EXOC1L: variants seen among roughly 807,000 people sequenced by gnomAD.
The protein encoded by EXOC1L is exocyst complex component 1-like.
Under a neutral mutation model 4.9 loss-of-function variants are expected in EXOC1L, and 10 were observed. That is an observed-to-expected ratio of 2.02 (90% CI 1.25 to 3.43). The LOEUF (loss-of-function observed/expected upper bound fraction) is 3.43. Ranked by LOEUF, EXOC1L falls within the 30% of genes most tolerant of loss-of-function variation. The probability of loss-of-function intolerance (pLI) is 0.00; values close to 1 mark genes in which losing one functional copy is unlikely to be tolerated. For missense variants in EXOC1L, 114 were observed against 59.4 expected, an observed-to-expected ratio of 1.92 and a Z score of -3.02; for synonymous variants, 41 against 20.8, an observed-to-expected ratio of 1.97 and a Z score of -2.63.
In EXOC1L at chr4:55,819,957, A is replaced by C. The variant is rs1348679254; in HGVS notation, c.-70A>C. The C allele has an allele frequency of 2.5e-6, 1 of 397,144 alleles. No homozygotes were observed. The highest frequency in any genetic ancestry group is 2.1e-5 in the African/African-American group (1 of 48,564). The allele number at this position is 397,144 out of a possible 1,614,324, so 24.6% of individuals were successfully genotyped here. ...AAGGAGCTGCAAACCCAAACGAGAA[A>C]TCTAGGGAGCAAAAGGAGAGGAAAG... On this transcript the variant is annotated 5_prime_UTR_variant, in exon 1 of 3. Transcript: ENST00000636125.
chr4:55,832,037 T>C (rs1016072657), intron 2 of EXOC1L, among the ~76,000 whole-genome samples: 5 of 152,076 alleles, frequency 3.3e-5, no homozygotes, highest in Non-Finnish European at 5.9e-5. Flanking sequence ...GCTCAAGTAC[T>C]GGCTCCTGAG....
At chr4:55,832,403 G>C (rs192376178) in intron 2 of EXOC1L, among the ~76,000 whole-genome samples, 1 of 151,648 alleles carries the variant, frequency 6.6e-6, no homozygotes, top group Non-Finnish European at 1.5e-5. Context: ...TTCTAATATC[G>C]TTATTTTTTA....
chr4:55,827,239 T>C (rs779402920), intron 1 of EXOC1L, among the ~76,000 whole-genome samples: 1 of 152,212 alleles, frequency 6.6e-6, no homozygotes, highest in East Asian at 1.9e-4. Context: ...ATGCTTTTAA[T>C]GACTTAAAAG....
chr4:55,828,107 G>A (rs571937550), intron 1 of EXOC1L, among the ~76,000 whole-genome samples: 2 of 152,072 alleles, frequency 1.3e-5, no homozygotes, highest in Admixed American at 6.6e-5. Flanking sequence ...CCTCCAAAAC[G>A]TATAATCCCT....
intron 1 of EXOC1L, among the ~76,000 whole-genome samples, chr4:55,820,509 A>G (rs1719713660): frequency 6.6e-6 from 1 of 152,196 alleles, no homozygotes; most frequent in African/African-American, 2.4e-5. Flanking sequence ...CTCTCTGTAT[A>G]CTTTTAAATA....
At chr4:55,828,046 A>T (rs553375534) in intron 1 of EXOC1L, among the ~76,000 whole-genome samples, 2 of 152,112 alleles carry the variant, frequency 1.3e-5, no homozygotes, top group African/African-American at 4.8e-5. Flanking sequence ...CCAAGTTAAG[A>T]TCTTCTGCTT....
chr4:55,829,686 G>C (rs1719973646), intron 1 of EXOC1L, among the ~76,000 whole-genome samples: 1 of 152,168 alleles, frequency 6.6e-6, no homozygotes, highest in African/African-American at 2.4e-5. Flanking sequence ...ACTGAGCTCT[G>C]TCATCAACTC....
At chr4:55,832,730 C>T (rs1489158003) in intron 2 of EXOC1L, among the ~76,000 whole-genome samples, 1 of 152,002 alleles carries the variant, frequency 6.6e-6, no homozygotes, top group Non-Finnish European at 1.5e-5. Context: ...CCCAAGGTGA[C>T]ATAGCTATTA....
In EXOC1L at chr4:55,825,209, GACGAGGAA is replaced by G. The variant is rs1259313717; in HGVS notation, c.121+5065_121+5072del. ...TGATAGATAAAATTCCTGTTTTACA[GACGAGGAA>G]ACCATAGGTCACAAGAAGTTAAGTA... is the stretch of plus-strand genomic sequence containing the variant. On this transcript the variant is annotated intron_variant, in intron 1 of 2. Coordinates refer to ENST00000636125, the MANE Select transcript of EXOC1L (RefSeq NM_001351574.3). Among the ~76,000 whole-genome samples the G allele has an allele frequency of 2.6e-5, 4 of 152,234 alleles. No individual in the cohort carries two copies. In the East Asian group the frequency reaches 7.7e-4, roughly 29 times the overall value.
chr4:55,836,512 T>A (rs1474813734), intron 2 of EXOC1L, among the ~76,000 whole-genome samples: 1 of 151,958 alleles, frequency 6.6e-6, no homozygotes, highest in South Asian at 2.1e-4. Flanking sequence ...GCTACAGATA[T>A]AGTAAGAGCC....
chr4:55,832,591 T>C (rs1400694795), intron 2 of EXOC1L, among the ~76,000 whole-genome samples: 1 of 151,994 alleles, frequency 6.6e-6, no homozygotes, highest in African/African-American at 2.4e-5. Flanking sequence ...TAAACTCTTA[T>C]GAGGTGCCAG....
At chr4:55,823,450 G>A (rs1447043) in intron 1 of EXOC1L, among the ~76,000 whole-genome samples, 11,802 of 152,166 alleles carry the variant, frequency 0.078, 515 homozygotes, top group African/African-American at 0.086. Context: ...GAAGAGGTTA[G>A]TTTAATTTTT....
At position 55,831,441 on chromosome 4, in the gene EXOC1L, A is replaced by G; in HGVS notation, c.229A>G (p.Ile77Val). Residue 77 changes from isoleucine to valine, a missense_variant, in exon 2 of 3, where the codon ATT becomes GTT. Ile to Val is a conservative substitution (Grantham distance 29). Transcript: ENST00000636125. ...GTGGTCTTTGAACGATCTGCAGATG[A>G]TTGATGGAAAAGAAGCAGATACTGT... ...KKWSLNDLQM[I>V]DGKEADTDNP... The G allele has an allele frequency of 2.9e-6, 2 of 695,016 alleles. No individual in the cohort carries two copies. Among genetic ancestry groups the G allele is most frequent in the Admixed American group, 4.1e-5 (2 of 48,400 alleles). 43.1% of individuals were successfully genotyped at this position (695,016 alleles called of 1,614,324 possible).
intron 1 of EXOC1L, among the ~76,000 whole-genome samples, chr4:55,828,834 C>A (rs1356016749): frequency 2.6e-5 from 4 of 151,994 alleles, no homozygotes; most frequent in African/African-American, 9.7e-5. Flanking sequence ...CAGAGTGAGA[C>A]CCTCTTTCAA....
chr4:55,830,944 G>A (rs558271839), intron 1 of EXOC1L, among the ~76,000 whole-genome samples: 2 of 152,126 alleles, frequency 1.3e-5, no homozygotes, highest in Non-Finnish European at 2.9e-5. Context: ...TGCTTATATT[G>A]TCATAAATTA....
intron 2 of EXOC1L, among the ~76,000 whole-genome samples, chr4:55,834,211 A>C (rs1295459391): frequency 6.6e-6 from 1 of 151,980 alleles, no homozygotes; most frequent in African/African-American, 2.4e-5. Context: ...AATGGAATTG[A>C]AATTGAAGTC....
chr4:55,826,402 A>G (rs1223715035), intron 1 of EXOC1L, among the ~76,000 whole-genome samples: 1 of 152,214 alleles, frequency 6.6e-6, no homozygotes, highest in Non-Finnish European at 1.5e-5. Context: ...ATTTAGCCTC[A>G]TGAATAATAG....
At chr4:55,833,829 T>G (rs1342137131) in intron 2 of EXOC1L, among the ~76,000 whole-genome samples, 4 of 151,922 alleles carry the variant, frequency 2.6e-5, no homozygotes, top group Non-Finnish European at 5.9e-5. Context: ...AATTTGAAGA[T>G]TATTATCTTT....
intron 1 of EXOC1L, among the ~76,000 whole-genome samples, chr4:55,827,271 G>T (rs1170564297): frequency 6.6e-6 from 1 of 152,122 alleles, no homozygotes; most frequent in African/African-American, 2.4e-5. Context: ...TCATGCCTTT[G>T]TGTGAATGCT....
Sources: gnomAD v4.1 joint callset for allele counts (sites outside exome capture counted in the v4.1 genomes callset) on GRCh38, gnomAD v4.1.1 for gene constraint, MANE v1.5 for transcripts, NCBI Gene and HGNC (gene_info 2026-07-23, HGNC 2026-07-21) for gene names.